HNRNPR: variants seen among roughly 807,000 people sequenced by gnomAD.
The protein encoded by HNRNPR is heterogeneous nuclear ribonucleoprotein R.
Under a neutral mutation model 70.3 loss-of-function variants are expected in HNRNPR, and 4 were observed. That is an observed-to-expected ratio of 0.06 (90% confidence interval 0.03 to 0.13). The LOEUF (loss-of-function observed/expected upper bound fraction) is 0.13, where lower values mean the gene tolerates loss of function less well. Ranked by LOEUF, HNRNPR falls within the 10% of genes least tolerant of loss-of-function variation. The probability of loss-of-function intolerance (pLI) is 1.00; values close to 1 mark genes in which losing one functional copy is unlikely to be tolerated. For synonymous variants in HNRNPR, 241 were observed against 267.6 expected (o/e 0.90, Z 0.97); for missense variants, 423 against 788.5 (o/e 0.54, Z 5.55).
At position 23,323,771 on chromosome 1, in the gene HNRNPR, T is replaced by C. The variant is rs761784953; in HGVS notation, c.499-39A>G. Reference sequence around the variant, plus strand: ...CCCTTATTAGAATCCAACATAAGCATTTGATTTTAGAGCCATAAAGCCTAC... The same window carrying C: ...CCCTTATTAGAATCCAACATAAGCACTTGATTTTAGAGCCATAAAGCCTAC... On this transcript the variant is annotated intron_variant, in intron 5 of 10. Transcript: ENST00000302271. The C allele has an allele frequency of 1.9e-6, 3 of 1,573,536 alleles. No homozygotes were observed. In the East Asian group the frequency reaches 6.7e-5, roughly 35 times the overall value.
At chr1:23,315,826 C>G (rs377139256) in intron 8 of HNRNPR, among the ~76,000 whole-genome samples, 1 of 152,136 alleles carries the variant, frequency 6.6e-6, no homozygotes, top group Non-Finnish European at 1.5e-5. Flanking sequence ...TCCACAAACG[C>G]TCCATCCCCT....
At chr1:23,327,995 C>CA (rs11345105) in intron 5 of HNRNPR, among the ~76,000 whole-genome samples, 64,861 of 118,532 alleles carry the variant, frequency 0.55, 19,541 homozygotes, top group Middle Eastern at 0.71. Context: ...GACTCTGTCT[C>CA]AAAAAAAAAA....
At chr1:23,342,865 CAG>C (rs1253465898) in intron 1 of HNRNPR, among the ~76,000 whole-genome samples, 3 of 152,060 alleles carry the variant, frequency 2.0e-5, no homozygotes, top group Admixed American at 6.5e-5. Context: ...AAGTACAAGA[CAG>C]AAATATTTAT....
intron 4 of HNRNPR, among the ~76,000 whole-genome samples, chr1:23,336,212 G>A (rs1266117704): frequency 2.0e-5 from 3 of 151,096 alleles, no homozygotes; most frequent in Admixed American, 6.6e-5. Context: ...GATCCCCCAA[G>A]GTCAGGAGTT....
intron 2 of HNRNPR, 60 bp from the exon 3 acceptor site, chr1:23,338,668 C>T (rs1180324345): frequency 1.6e-5 from 12 of 753,686 alleles, no homozygotes; most frequent in Non-Finnish European, 8.7e-6. Flanking sequence ...CTAAGCTCTA[C>T]TGACGTTTAA....
Position 23,308,740 on chromosome 1 carries a change from T to C in HNRNPR, c.*1714A>G, listed in dbSNP as rs1645243500. ...GACTTTCATCAGTAAATAGTAATCT[T>C]AAATTGAAATGAAAAGAAGCCATGA... is the stretch of plus-strand genomic sequence containing the variant. On this transcript the variant is annotated 3_prime_UTR_variant, in exon 11 of 11. Transcript: ENST00000302271. The C allele has an allele frequency of 1.3e-5, 2 of 152,038 alleles. No homozygotes were observed. Among genetic ancestry groups the C allele is most frequent in the Non-Finnish European group, 2.9e-5 (2 of 67,916 alleles). 9.4% of individuals were successfully genotyped at this position (152,038 alleles called of 1,614,324 possible).
intron 8 of HNRNPR, among the ~76,000 whole-genome samples, chr1:23,314,549 T>C (rs1391837676): frequency 1.3e-5 from 2 of 152,182 alleles, no homozygotes; most frequent in African/African-American, 4.8e-5. Flanking sequence ...CCTGAATACA[T>C]GGTTCATACA....
chr1:23,318,814 T>A lies in HNRNPR; in HGVS notation c.812-126A>T. The A allele has an allele frequency of 1.3e-6, 1 of 765,632 alleles. No individual in the cohort carries two copies. The highest frequency in any genetic ancestry group is 2.1e-6 in the Non-Finnish European group (1 of 467,872). 47.4% of individuals were successfully genotyped at this position (765,632 alleles called of 1,614,324 possible). A position where few individuals can be genotyped will look rare whatever the true frequency, so the allele number is the denominator to read the frequency against. The stretch of plus-strand genomic sequence containing the variant: ...AAGCAGCCTCAACATGAGTCACTAA[T>A]TTTGTAGACAATTAGATCAACATAA... On this transcript the variant is annotated intron_variant, in intron 7 of 10. Transcript: ENST00000302271. The surrounding 1 kb of genome is among the most constrained non-coding windows in gnomAD (Gnocchi z 4.2).
At position 23,310,227 on chromosome 1, in the gene HNRNPR, C is replaced by T; in HGVS notation, c.*227G>A. ...CTGAAACGATAAAAGCATTGTAATCCCCAGAATAAGGGAACTCTGCAAGCC... is the reference window on the plus strand; with the variant it reads ...CTGAAACGATAAAAGCATTGTAATCTCCAGAATAAGGGAACTCTGCAAGCC... On this transcript the variant is annotated 3_prime_UTR_variant, in exon 11 of 11. Coordinates refer to ENST00000302271, the MANE Select transcript of HNRNPR (RefSeq NM_005826.5). The surrounding 1 kb of genome is among the most constrained non-coding windows in gnomAD (Gnocchi z 6.0). The T allele has an allele frequency of 2.5e-6, 1 of 396,412 alleles. No individual in the cohort carries two copies. The highest frequency in any genetic ancestry group is 4.5e-6 in the Non-Finnish European group (1 of 223,914). 24.6% of individuals were successfully genotyped at this position (396,412 alleles called of 1,614,324 possible).
rs1466109422 is a variant in HNRNPR at position 23,323,798 on chromosome 1, G to GC, written c.499-67dup. On this transcript the variant is annotated intron_variant, in intron 5 of 10. Coordinates refer to ENST00000302271, the MANE Select transcript of HNRNPR (RefSeq NM_005826.5). ...TGATTTTAGAGCCATAAAGCCTACT[G>GC]CCTTTTTTTTTTAAAGATGGGGGCA... is the stretch of plus-strand genomic sequence containing the variant. The GC allele has an allele frequency of 2.2e-6, 3 of 1,346,442 alleles. No homozygotes were observed. In the East Asian group the frequency reaches 6.9e-5, roughly 31 times the overall value. 83.4% of individuals were successfully genotyped at this position (1,346,442 alleles called of 1,614,324 possible). A position where few individuals can be genotyped will look rare whatever the true frequency, so the allele number is the denominator to read the frequency against.
rs779016562 is a variant in HNRNPR, at chr1:23,338,635, G to A, written c.158-27C>T. On this transcript the variant is annotated intron_variant, in intron 2 of 10. Transcript: ENST00000302271. ...TAAAAATTAAATTGAAAGGGGTAAC[G>A]TTATTGCAACAAAAGGGGTAATCTA... is the stretch of plus-strand genomic sequence containing the variant. 1.4e-5 allele frequency: 16 copies of A among 1,170,366 alleles called. No homozygotes were observed. The Middle Eastern group carries it at 7.7e-4, about 56-fold the overall frequency. The allele number at this position is 1,170,366 out of a possible 1,614,324, so 72.5% of individuals were successfully genotyped here.
rs1260135941 is a variant in HNRNPR, at chr1:23,309,173, T to C, written c.*1281A>G. ...AAATAAACGAAGTGTTAACAGAAAG[T>C]CAAAGGTATTACTACTGGATATTTT... is the stretch of plus-strand genomic sequence containing the variant. On this transcript the variant is annotated 3_prime_UTR_variant, in exon 11 of 11. Coordinates refer to ENST00000302271, the MANE Select transcript of HNRNPR (RefSeq NM_005826.5). 1 of 152,044 alleles carries C rather than the reference T, an allele frequency of 6.6e-6. No homozygotes were observed. Among genetic ancestry groups the C allele is most frequent in the Non-Finnish European group, 1.5e-5 (1 of 67,946 alleles). 9.4% of individuals were successfully genotyped at this position (152,044 alleles called of 1,614,324 possible).
intron 8 of HNRNPR, among the ~76,000 whole-genome samples, chr1:23,316,491 G>A (rs1328718252): frequency 6.6e-6 from 1 of 152,100 alleles, no homozygotes; most frequent in Non-Finnish European, 1.5e-5. Context: ...GTTACTAAAG[G>A]TTATGTGAGA....
At chr1:23,317,168 C>G (rs144357385) in intron 8 of HNRNPR, among the ~76,000 whole-genome samples, 2 of 152,154 alleles carry the variant, frequency 1.3e-5, no homozygotes, top group African/African-American at 4.8e-5. Flanking sequence ...AGCAGAAATG[C>G]AACTCTGAGG....
intron 8 of HNRNPR, among the ~76,000 whole-genome samples, chr1:23,314,107 A>G (rs1423240210): frequency 2.6e-5 from 4 of 152,174 alleles, no homozygotes; most frequent in Non-Finnish European, 2.9e-5. Context: ...TGAAATTTAG[A>G]GGCTGGCCCT....
In HNRNPR at chr1:23,310,383, T is replaced by G; in HGVS notation, c.*71A>C. ...TTAAAGATGAAACAGTTAAGCCAAT[T>G]TTTTTTTTTGAAGAATGTAGATCTA... On this transcript the variant is annotated 3_prime_UTR_variant, in exon 11 of 11. Transcript: ENST00000302271. This position sits in a 1 kb window ranked among gnomAD's most constrained non-coding sequence, Gnocchi z 6.0. The G allele has an allele frequency of 7.0e-7, 1 of 1,437,184 alleles. No homozygotes were observed. The highest frequency in any genetic ancestry group is 9.3e-7 in the Non-Finnish European group (1 of 1,077,228). 89.0% of individuals were successfully genotyped at this position (1,437,184 alleles called of 1,614,324 possible). A position where few individuals can be genotyped will look rare whatever the true frequency, so the allele number is the denominator to read the frequency against.
chr1:23,313,714 C>T lies in HNRNPR; in HGVS notation c.1018-12G>A. 1 of 1,597,912 alleles carries T rather than the reference C, an allele frequency of 6.3e-7. No homozygotes were observed. The highest frequency in any genetic ancestry group is 8.5e-7 in the Non-Finnish European group (1 of 1,176,150). ...AACAAAACTTTTACCTAGTAAGCAA[C>T]AAATAAACAAAACCGTCATTGGCTA... On this transcript the variant is annotated splice_polypyrimidine_tract_variant and intron_variant, in intron 8 of 10. Transcript: ENST00000302271.
intron 8 of HNRNPR, among the ~76,000 whole-genome samples, chr1:23,315,097 T>C (rs561403188): frequency 6.6e-6 from 1 of 152,136 alleles, no homozygotes; most frequent in East Asian, 1.9e-4. Context: ...CTGGCCAGCA[T>C]GGTGAAACCC....
intron 5 of HNRNPR, among the ~76,000 whole-genome samples, chr1:23,331,749 G>A (rs958602592): frequency 2.0e-5 from 3 of 147,882 alleles, no homozygotes; most frequent in Non-Finnish European, 4.5e-5. Flanking sequence ...CAGGAGGGCT[G>A]CTTGAGCCAG....
Sources: allele counts gnomAD v4.1 joint callset (sites outside exome capture counted in the v4.1 genomes callset), GRCh38; gene constraint gnomAD v4.1.1; non-coding constraint Gnocchi (gnomAD v3.1); transcripts MANE v1.5; gene names NCBI Gene and HGNC (gene_info 2026-07-23, HGNC 2026-07-21).